Variants in ELSPBP1 observed in about 807,000 individuals in gnomAD.
ELSPBP1 encodes the protein epididymal sperm binding protein 1.
ELSPBP1 carries 38 observed loss-of-function variants against 33.3 expected under a neutral mutation model. That is an observed-to-expected ratio of 1.14 (90% CI 0.88 to 1.50). The LOEUF (loss-of-function observed/expected upper bound fraction) is 1.50. Among genes scored for constraint, ELSPBP1 ranks in the 40% most tolerant of loss-of-function variants. The pLI, the probability that ELSPBP1 is intolerant of heterozygous loss-of-function variation, is 0.00. For synonymous variants in ELSPBP1, 85 were observed against 94.1 expected (o/e 0.90, Z 0.56); for missense variants, 267 against 263.5 (o/e 1.01, Z -0.09).
intron 1 of ELSPBP1, among the ~76,000 whole-genome samples, chr19:48,006,313 T>C (rs1967016819): frequency 6.6e-6 from 1 of 152,044 alleles, no homozygotes; most frequent in Non-Finnish European, 1.5e-5. Flanking sequence ...ACGACGAAAC[T>C]GAGGCTTAGA....
intron 5 of ELSPBP1, among the ~76,000 whole-genome samples, chr19:48,021,340 G>A (rs1967197295): frequency 6.6e-6 from 1 of 151,282 alleles, no homozygotes; most frequent in African/African-American, 2.4e-5. Context: ...TTAGGTTTAG[G>A]TCGGCATTCT....
chr19:48,005,194 C>T (rs1431343287), intron 1 of ELSPBP1, among the ~76,000 whole-genome samples: 1 of 149,192 alleles, frequency 6.7e-6, no homozygotes, highest in East Asian at 1.9e-4. Context: ...CAGAGCAAGA[C>T]CCTGTCTCAA....
Position 48,019,819 on chromosome 19 carries a change from G to A in ELSPBP1, c.456G>A (p.Trp152Ter), listed in dbSNP as rs1445393942. The A allele has an allele frequency of 1.2e-6, 2 of 1,613,952 alleles. No homozygotes were observed. The highest frequency in any genetic ancestry group is 1.7e-5 in the Admixed American group (1 of 59,986). The change falls in exon 5 of 7, where the codon TGG becomes TGA. Residue 152 changes from tryptophan (W) to a stop codon, truncating the protein, a stop_gained. Coordinates refer to ENST00000339841, the MANE Select transcript of ELSPBP1 (RefSeq NM_022142.5). LOFTEE classifies it high-confidence loss of function. ...DCMEDESNKL[W>*]CPTTENMDKD... ...TGGAGGATGAAAGCAACAAGCTCTG[G>A]TGCCCAACCACAGAGAACATGGATA...
At chr19:48,016,526 T>TCC in intron 4 of ELSPBP1, among the ~76,000 whole-genome samples, 3 of 86,230 alleles carry the variant, frequency 3.5e-5, no homozygotes, top group Admixed American at 1.1e-4. Context: ...CTTTCTTTCT[T>TCC]TCTTCCTTCC....
chr19:48,005,522 G>A (rs894630123), intron 1 of ELSPBP1, among the ~76,000 whole-genome samples: 1 of 152,158 alleles, frequency 6.6e-6, no homozygotes, highest in African/African-American at 2.4e-5. Context: ...ATGGGGGAAG[G>A]ATAGCATATT....
In ELSPBP1 at chr19:48,015,902, G is replaced by A. The variant is rs370140212; in HGVS notation, c.218G>A (p.Arg73His). Residue 73 changes from arginine (R) to histidine (H), a missense_variant, in exon 4 of 7, where the codon CGC becomes CAC. Coordinates refer to ENST00000339841, the MANE Select transcript of ELSPBP1 (RefSeq NM_022142.5). ...WKYCQSEDYP[R>H]CIFPFIYRGK... ...ACTCTGTTCCTAACAGATTACCCAC[G>A]CTGTATCTTCCCTTTCATCTATCGA... 1.4e-5 allele frequency: 23 copies of A among 1,609,070 alleles called. No homozygotes were observed. In the Admixed American group the frequency reaches 1.8e-4, roughly 13 times the overall value.
chr19:48,007,539 AC>A (rs1967033843), intron 1 of ELSPBP1, among the ~76,000 whole-genome samples: 4 of 152,198 alleles, frequency 2.6e-5, no homozygotes, highest in Admixed American at 1.3e-4. Context: ...AATCCAGACC[AC>A]CAATTCCAAA....
In ELSPBP1 at chr19:48,022,174, T is replaced by C. The variant is rs1356426940; in HGVS notation, c.519T>C (p.Ile173=). 6.2e-7 allele frequency: 1 copy of C among 1,611,486 alleles called. No individual in the cohort carries two copies. Among genetic ancestry groups the C allele is most frequent in the Admixed American group, 1.7e-5 (1 of 59,742 alleles). The part of the protein sequence containing the change: ...GKWSFCADTR[I]SALVPGFPCH... The stretch of plus-strand genomic sequence containing the variant: ...TTATCCCCTTCTGCTTCCTAGGAAT[T>C]TCCGCGTTGGTCCCTGGCTTTCCTT... The change falls in exon 6 of 7, where the codon ATT becomes ATC. Residue 173 remains isoleucine, a synonymous_variant. Coordinates refer to ENST00000339841, the MANE Select transcript of ELSPBP1 (RefSeq NM_022142.5).
In ELSPBP1 at chr19:48,011,030, AATG is replaced by A. The variant is rs1445873697; in HGVS notation, c.70+2298_70+2300del. 6.6e-6 allele frequency among the ~76,000 whole-genome samples: 1 copy of A among 150,406 alleles called. No individual in the cohort carries two copies. Among genetic ancestry groups the A allele is most frequent in the Admixed American group, 6.7e-5 (1 of 15,032 alleles). On this transcript the variant is annotated intron_variant, in intron 2 of 6. Coordinates refer to ENST00000339841, the MANE Select transcript of ELSPBP1 (RefSeq NM_022142.5). This position sits in a 1 kb window ranked among gnomAD's most constrained non-coding sequence, Gnocchi z 4.5. ...TAATGACAGTGAAGATGACAATGATAATGATGAGGATGATGATGATATGACGAT... is the reference window on the plus strand; with the variant it reads ...TAATGACAGTGAAGATGACAATGATAATGAGGATGATGATGATATGACGAT...
At position 48,005,810 on chromosome 19, in the gene ELSPBP1, T is replaced by C. The variant is rs111823086; in HGVS notation, c.-17-2841T>C. Among the ~76,000 whole-genome samples, 4 of 152,326 alleles carry C rather than the reference T, an allele frequency of 2.6e-5. 1 individual carries two copies. The highest frequency in any genetic ancestry group is 9.6e-5 in the African/African-American group (4 of 41,576). On this transcript the variant is annotated intron_variant, in intron 1 of 6. Transcript: ENST00000339841. ...CTTGCAAGTTCTCCAACTTGCATGA[T>C]CTGTAACCCTCAGCAAGGTGCTTAA...
intron 4 of ELSPBP1, among the ~76,000 whole-genome samples, chr19:48,017,179 A>G (rs976009574): frequency 6.6e-6 from 1 of 152,162 alleles, no homozygotes; most frequent in Non-Finnish European, 1.5e-5. Flanking sequence ...TCCAAAGCCC[A>G]TGCTCTCTCC....
chr19:48,017,213 G>C (rs1967151926), intron 4 of ELSPBP1, among the ~76,000 whole-genome samples: 1 of 152,096 alleles, frequency 6.6e-6, no homozygotes, highest in Admixed American at 6.6e-5. Context: ...CGTCCACAGA[G>C]ACAAAGATGT....
In ELSPBP1 at chr19:48,008,640, C is replaced by G; in HGVS notation, c.-17-11C>G. ...CGTGTGGGATGAAAATTTTTGTCTTCTTTTCCACAGAGAAGAGGGCAGCCA... is the reference window on the plus strand; with the variant it reads ...CGTGTGGGATGAAAATTTTTGTCTTGTTTTCCACAGAGAAGAGGGCAGCCA... On this transcript the variant is annotated splice_polypyrimidine_tract_variant and intron_variant, in intron 1 of 6. Coordinates refer to ENST00000339841, the MANE Select transcript of ELSPBP1 (RefSeq NM_022142.5). The G allele has an allele frequency of 1.2e-6, 2 of 1,610,476 alleles. No homozygotes were observed. Among genetic ancestry groups the G allele is most frequent in the Non-Finnish European group, 1.7e-6 (2 of 1,177,766 alleles).
At chr19:48,005,593 G>A (rs1368753755) in intron 1 of ELSPBP1, among the ~76,000 whole-genome samples, 1 of 152,228 alleles carries the variant, frequency 6.6e-6, no homozygotes, top group African/African-American at 2.4e-5. Flanking sequence ...CATCTAGGTG[G>A]ACATGTCTGG....
At chr19:48,007,971 A>C (rs1273866216) in intron 1 of ELSPBP1, among the ~76,000 whole-genome samples, 1 of 152,112 alleles carries the variant, frequency 6.6e-6, no homozygotes, top group Non-Finnish European at 1.5e-5. Context: ...TTTCCATCAC[A>C]CTTTCCTAAG....
At chr19:48,001,601 G>A (rs1261056242) in intron 1 of ELSPBP1, among the ~76,000 whole-genome samples, 1 of 151,868 alleles carries the variant, frequency 6.6e-6, no homozygotes, top group Non-Finnish European at 1.5e-5. Flanking sequence ...CTGTCACCCA[G>A]GCTGGATCAT....
chr19:47,998,952 G>A (rs1333691666), intron 1 of ELSPBP1, among the ~76,000 whole-genome samples: 2 of 152,166 alleles, frequency 1.3e-5, no homozygotes, highest in African/African-American at 2.4e-5. Flanking sequence ...CCCACCCTAA[G>A]GGGAAAAATG....
In ELSPBP1 at chr19:48,022,202, C is replaced by T; in HGVS notation, c.547C>T (p.His183Tyr). 1 of 1,613,492 alleles carries T rather than the reference C, an allele frequency of 6.2e-7. No individual in the cohort carries two copies. The highest frequency in any genetic ancestry group is 8.5e-7 in the Non-Finnish European group (1 of 1,179,754). The change falls in exon 6 of 7, where the codon CAC becomes TAC. Residue 183 changes from histidine to tyrosine, a missense_variant. Transcript: ENST00000339841. ...ISALVPGFPC[H>Y]FPFNYKNKNY... ...CGCGTTGGTCCCTGGCTTTCCTTGTCACTTTCCGTTCAACTATAAAAACAA... is the reference window on the plus strand; with the variant it reads ...CGCGTTGGTCCCTGGCTTTCCTTGTTACTTTCCGTTCAACTATAAAAACAA...
At chr19:47,999,668 G>A (rs1038522407) in intron 1 of ELSPBP1, among the ~76,000 whole-genome samples, 2 of 149,760 alleles carry the variant, frequency 1.3e-5, no homozygotes, top group Non-Finnish European at 3.0e-5. Context: ...GATTACAGGC[G>A]TGAGCCACCA....
Sources: allele counts gnomAD v4.1 joint callset (sites outside exome capture counted in the v4.1 genomes callset), GRCh38; gene constraint gnomAD v4.1.1; non-coding constraint Gnocchi (gnomAD v3.1); transcripts MANE v1.5; gene names NCBI Gene and HGNC (gene_info 2026-07-23, HGNC 2026-07-21).